Variants in PARP15 observed in about 807,000 individuals in gnomAD.
The protein encoded by PARP15 is poly(ADP-ribose) polymerase family member 15, also known as protein mono-ADP-ribosyltransferase PARP15.
PARP15 carries 50 observed loss-of-function variants against 62.1 expected under a neutral mutation model. That is an observed-to-expected ratio of 0.81 (90% CI 0.64 to 1.02). PARP15 has a LOEUF of 1.02. PARP15 is among the 50% of genes least tolerant of loss of function. The pLI, the probability that PARP15 is intolerant of heterozygous loss-of-function variation, is 0.00. For synonymous variants in PARP15, 309 were observed against 293.1 expected (o/e 1.05, Z -0.55); for missense variants, 820 against 826.5 (o/e 0.99, Z 0.10).
intron 6 of PARP15, 135 bp downstream of exon 6, chr3:122,617,299 G>T: frequency 2.2e-6 from 2 of 909,774 alleles, no homozygotes; most frequent in Non-Finnish European, 1.7e-6. Flanking sequence ...GAAGACGTGG[G>T]TTGAATCCCA....
At chr3:122,624,173 A>G (rs1936537761) in intron 8 of PARP15, among the ~76,000 whole-genome samples, 1 of 152,090 alleles carries the variant, frequency 6.6e-6, no homozygotes, top group Non-Finnish European at 1.5e-5. Context: ...AGAAAGAAAG[A>G]AAAAATAAAT....
chr3:122,577,872 G>A lies in PARP15; in HGVS notation c.186+19G>A. 3 of 1,530,602 alleles carry A rather than the reference G, an allele frequency of 2.0e-6. No homozygotes were observed. The highest frequency in any genetic ancestry group is 2.6e-6 in the Non-Finnish European group (3 of 1,135,558). The allele number at this position is 1,530,602 out of a possible 1,614,324, so 94.8% of individuals were successfully genotyped here. A position where few individuals can be genotyped will look rare whatever the true frequency, so the allele number is the denominator to read the frequency against. ...GAGTATGGTGAGGAGCGCGGGGGAC[G>A]GGTGCGGGAAGGGGACAGCAGGGCT... is the stretch of plus-strand genomic sequence containing the variant. On this transcript the variant is annotated intron_variant, in intron 1 of 11. Coordinates refer to ENST00000464300, the MANE Select transcript of PARP15 (RefSeq NM_001113523.3).
rs1935504440 is a variant in PARP15 at position 122,610,725 on chromosome 3, T to C, written c.538T>C (p.Trp180Arg). The C allele has an allele frequency of 2.6e-6, 4 of 1,513,532 alleles. No homozygotes were observed. In the African/African-American group the frequency reaches 5.6e-5, roughly 21 times the overall value. 93.8% of individuals were successfully genotyped at this position (1,513,532 alleles called of 1,614,324 possible). The change falls in exon 3 of 12, where the codon TGG becomes CGG. Residue 180 changes from tryptophan (W) to arginine (R), a missense_variant. By Grantham distance (101) the Trp-to-Arg change is moderately radical. Around this residue, in one of 3 missense-constraint regions of PARP15, gnomAD observed 731 missense variants for 727.7 expected, o/e 1.00. Coordinates refer to ENST00000464300, the MANE Select transcript of PARP15 (RefSeq NM_001113523.3). The part of the protein sequence containing the change: ...PYWNNGAETS[W>R]QIMANIIKKC... The stretch of plus-strand genomic sequence containing the variant: ...CTGGAATAATGGAGCAGAGACTTCT[T>C]GGCAGGTAGGGAACGCTCTTAGTTC...
In PARP15 at chr3:122,638,262, G is replaced by A. The variant is rs565553393; in HGVS notation, c.*2162G>A. The A allele has an allele frequency of 1.8e-4, 27 of 151,450 alleles. No homozygotes were observed. The South Asian group carries it at 4.4e-3, about 25-fold the overall frequency. 9.4% of individuals were successfully genotyped at this position (151,450 alleles called of 1,614,324 possible). On this transcript the variant is annotated 3_prime_UTR_variant, in exon 12 of 12. Coordinates refer to ENST00000464300, the MANE Select transcript of PARP15 (RefSeq NM_001113523.3). Reference sequence around the variant, plus strand: ...GTGAATAGTGCCGCAATAAACATACGTGTGCATGTGTCTTTACAGCAGCAT... The same window carrying A: ...GTGAATAGTGCCGCAATAAACATACATGTGCATGTGTCTTTACAGCAGCAT...
chr3:122,595,935 C>T (rs111511975), intron 1 of PARP15, among the ~76,000 whole-genome samples: 73 of 152,168 alleles, frequency 4.8e-4, no homozygotes, highest in African/African-American at 1.5e-3. Context: ...TCTACACTCT[C>T]TAGGATCTAG....
intron 5 of PARP15, among the ~76,000 whole-genome samples, chr3:122,616,187 G>A (rs1935954774): frequency 6.6e-6 from 1 of 152,272 alleles, no homozygotes; most frequent in East Asian, 1.9e-4. Flanking sequence ...AGGTGGTTCT[G>A]TTGCCACTGT....
At chr3:122,591,287 A>G (rs1353469829) in intron 1 of PARP15, among the ~76,000 whole-genome samples, 1 of 152,220 alleles carries the variant, frequency 6.6e-6, no homozygotes, top group Middle Eastern at 3.2e-3. Flanking sequence ...AAATGGATGA[A>G]ATAGATGAAT....
At chr3:122,625,501 G>A (rs192829550) in intron 8 of PARP15, among the ~76,000 whole-genome samples, 22 of 152,258 alleles carry the variant, frequency 1.4e-4, no homozygotes, top group East Asian at 9.6e-4. Flanking sequence ...TGATCTGCAC[G>A]CCTTGGCCTC....
chr3:122,627,634 C>A lies in PARP15; in HGVS notation c.1438+601C>A, dbSNP rs543798283. On this transcript the variant is annotated intron_variant, in intron 9 of 11. Coordinates refer to ENST00000464300, the MANE Select transcript of PARP15 (RefSeq NM_001113523.3). ...GCTATTAAAATAACTAGGATTGCAG[C>A]CTCCTCTTGCAATCACTATTTTCAG... Among the ~76,000 whole-genome samples the A allele has an allele frequency of 2.6e-5, 4 of 152,304 alleles. No individual in the cohort carries two copies. The East Asian group carries it at 5.8e-4, about 22-fold the overall frequency.
At chr3:122,631,895 A>G (rs1350317152) in intron 9 of PARP15, among the ~76,000 whole-genome samples, 191 bp from the exon 10 acceptor site, 1 of 152,232 alleles carries the variant, frequency 6.6e-6, no homozygotes, top group South Asian at 2.1e-4. Context: ...ATTGTGTCAT[A>G]TTTGTGTCAG....
intron 1 of PARP15, among the ~76,000 whole-genome samples, chr3:122,579,428 G>GTT (rs1439488083): frequency 6.6e-6 from 1 of 152,084 alleles, no homozygotes; most frequent in East Asian, 1.9e-4. Context: ...TTTGACAAAT[G>GTT]TTTACCAGTA....
intron 9 of PARP15, 99 bp downstream of exon 9, chr3:122,627,132 G>A (rs1037503971): frequency 5.5e-5 from 58 of 1,059,246 alleles, no homozygotes; most frequent in Admixed American, 2.7e-4. Context: ...TTTTCTATTC[G>A]TTTTAGGACT....
At chr3:122,594,418 C>A (rs34565003) in intron 1 of PARP15, 40,450 of 413,570 alleles carry the variant, frequency 0.098, 2,055 homozygotes, top group Non-Finnish European at 0.11. Context: ...TATTGTGTAA[C>A]AATTATTACT....
intron 1 of PARP15, among the ~76,000 whole-genome samples, chr3:122,579,462 C>T (rs6438743): frequency 0.019 from 2,863 of 152,132 alleles, 106 homozygotes; most frequent in African/African-American, 0.065. Flanking sequence ...AAAGAGTTTT[C>T]TACCAGTTTC....
At chr3:122,589,653 C>T (rs973911455) in intron 1 of PARP15, among the ~76,000 whole-genome samples, 2 of 151,918 alleles carry the variant, frequency 1.3e-5, no homozygotes, top group South Asian at 2.1e-4. Flanking sequence ...TTTTAATGTC[C>T]TTATTGGCCA....
chr3:122,606,487 G>T (rs373586160), intron 2 of PARP15, among the ~76,000 whole-genome samples: 2 of 152,158 alleles, frequency 1.3e-5, no homozygotes, highest in African/African-American at 4.8e-5. Context: ...GAGGGATAAA[G>T]GTTACCAGAA....
In PARP15 at chr3:122,586,721, C is replaced by T. The variant is rs377052287; in HGVS notation, c.186+8868C>T. Among the ~76,000 whole-genome samples, 4 of 151,360 alleles carry T rather than the reference C, an allele frequency of 2.6e-5. No individual in the cohort carries two copies. The East Asian group carries it at 7.7e-4, about 29-fold the overall frequency. On this transcript the variant is annotated intron_variant, in intron 1 of 11. Coordinates refer to ENST00000464300, the MANE Select transcript of PARP15 (RefSeq NM_001113523.3). ...GTTCCTATATACCCCTCACACCCCA[C>T]CCCCACACAATCCCCCCAACTATCA...
intron 2 of PARP15, among the ~76,000 whole-genome samples, chr3:122,607,917 A>G (rs1576509984): frequency 6.6e-6 from 1 of 152,140 alleles, no homozygotes. Context: ...ACCTCCAATC[A>G]CGCCTCAGTA....
At chr3:122,617,970 G>A (rs1253525090) in intron 6 of PARP15, among the ~76,000 whole-genome samples, 1 of 152,198 alleles carries the variant, frequency 6.6e-6, no homozygotes, top group Non-Finnish European at 1.5e-5. Context: ...GACCTCAGGT[G>A]ATCTGCCTGT....
Sources: allele counts gnomAD v4.1 joint callset (sites outside exome capture counted in the v4.1 genomes callset), GRCh38; gene constraint gnomAD v4.1.1; regional missense constraint gnomAD v4.1.1; transcripts MANE v1.5; gene names NCBI Gene and HGNC (gene_info 2026-07-23, HGNC 2026-07-21).